SLC13A4: variants seen among roughly 807,000 people sequenced by gnomAD.
The protein encoded by SLC13A4 is Na(+)/sulfate cotransporter SUT-1.
A neutral mutation model predicts 72.7 loss-of-function variants in SLC13A4; 28 were observed. The observed-to-expected ratio is 0.39, with a 90% CI of 0.29 to 0.53. The LOEUF (loss-of-function observed/expected upper bound fraction) is 0.53. Among genes scored for constraint, SLC13A4 ranks in the 20% least tolerant of loss-of-function variants. SLC13A4 has a pLI of 0.78. For missense variants in SLC13A4, 653 were observed against 788.0 expected (o/e 0.83, Z 2.05); for synonymous variants, 312 against 325.5 (o/e 0.96, Z 0.45).
chr7:135,720,568 A>C (rs201083728), intron 2 of SLC13A4, among the ~76,000 whole-genome samples: 90 of 151,598 alleles, frequency 5.9e-4, no homozygotes, highest in African/African-American at 1.8e-3. Context: ...AAAAAAAAAA[A>C]AAAAAACCAA....
chr7:135,689,498 T>C (rs1795725515), intron 13 of SLC13A4, among the ~76,000 whole-genome samples: 3 of 152,190 alleles, frequency 2.0e-5, no homozygotes, highest in Admixed American at 1.3e-4. Context: ...ATAACTACTC[T>C]ACTTGGCAGT....
chr7:135,683,324 A>AAT, intron 15 of SLC13A4: 3 of 650,248 alleles, frequency 4.6e-6, no homozygotes, highest in Non-Finnish European at 5.7e-6. Context: ...AAAAAAAAAA[A>AAT]GGATAAAAAA....
At chr7:135,719,862 CAGAT>C (rs1364937767) in intron 2 of SLC13A4, among the ~76,000 whole-genome samples, 7 of 125,518 alleles carry the variant, frequency 5.6e-5, no homozygotes, top group Non-Finnish European at 6.4e-5. Context: ...TATGTGTGTA[CAGAT>C]AGATAGATAG....
At position 135,721,481 on chromosome 7, in the gene SLC13A4, A is replaced by G; in HGVS notation, c.142T>C (p.Trp48Arg). 1 of 1,614,152 alleles carries G rather than the reference A, an allele frequency of 6.2e-7. No individual in the cohort carries two copies. The highest frequency in any genetic ancestry group is 1.1e-5 in the South Asian group (1 of 91,090). The change falls in exon 2 of 16, where the codon TGG (tryptophan) becomes CGG (arginine). Residue 48 changes from tryptophan to arginine, a missense_variant. Transcript: ENST00000682651. ...CCCAGAGGCACTGCCTCCGACACCC[A>G]GTACACAGCAGTCACGATCAGCACG... ...AYVLIVTAVYWVSEAVPLGAA... is the reference protein window; with the variant it reads ...AYVLIVTAVYRVSEAVPLGAA...
At chr7:135,717,830 C>T (rs564712514) in intron 2 of SLC13A4, among the ~76,000 whole-genome samples, 1 of 152,172 alleles carries the variant, frequency 6.6e-6, no homozygotes, top group Non-Finnish European at 1.5e-5. Flanking sequence ...CTGTCGAGGG[C>T]CTGACTAGAA....
At chr7:135,685,713 A>C in intron 13 of SLC13A4, 30 bp from the exon 14 acceptor site, 1 of 1,586,558 alleles carries the variant, frequency 6.3e-7, no homozygotes, top group Non-Finnish European at 8.6e-7. Context: ...AGTAAGAAGA[A>C]AGGAGAAGAA....
At chr7:135,687,965 C>G (rs1174696626) in intron 13 of SLC13A4, among the ~76,000 whole-genome samples, 1 of 151,670 alleles carries the variant, frequency 6.6e-6, no homozygotes, top group Non-Finnish European at 1.5e-5. Context: ...CATGTGCCAC[C>G]ATCCCCGGCT....
In SLC13A4 at chr7:135,681,532, C is replaced by T. The variant is rs544832853; in HGVS notation, c.*31G>A. 1.2e-6 allele frequency: 2 copies of T among 1,603,528 alleles called. No homozygotes were observed. The highest frequency in any genetic ancestry group is 1.3e-5 in the African/African-American group (1 of 74,936). On this transcript the variant is annotated 3_prime_UTR_variant, in exon 16 of 16. Transcript: ENST00000682651. ...CAGATACTGCTGGATACTGGCAGCTCCTGTGGTTGGGCCAGTTTGTACACT... is the reference window on the plus strand; with the variant it reads ...CAGATACTGCTGGATACTGGCAGCTTCTGTGGTTGGGCCAGTTTGTACACT...
intron 10 of SLC13A4, 58 bp downstream of exon 10, chr7:135,694,079 C>T (rs1320570259): frequency 1.9e-6 from 2 of 1,035,722 alleles, no homozygotes; most frequent in Admixed American, 3.4e-5. Flanking sequence ...CTCCTGTGCT[C>T]ACTTTACCTG....
chr7:135,705,755 G>A, intron 4 of SLC13A4, 105 bp from the exon 5 acceptor site: 1 of 917,924 alleles, frequency 1.1e-6, no homozygotes, highest in East Asian at 2.4e-5. Context: ...GCCATATGGA[G>A]TGGGTGACAT....
chr7:135,710,612 A>G (rs1796279528), intron 2 of SLC13A4, among the ~76,000 whole-genome samples: 4 of 152,122 alleles, frequency 2.6e-5, no homozygotes, highest in Admixed American at 1.3e-4. Context: ...ATGAGGAAAG[A>G]GACTGCTGAC....
intron 2 of SLC13A4, among the ~76,000 whole-genome samples, chr7:135,710,340 A>C (rs953559003): frequency 6.6e-6 from 1 of 152,168 alleles, no homozygotes; most frequent in African/African-American, 2.4e-5. Flanking sequence ...AGCTTGCAGT[A>C]AGCCGAGATC....
intron 2 of SLC13A4, among the ~76,000 whole-genome samples, chr7:135,711,661 G>A (rs572179174): frequency 6.6e-6 from 1 of 152,206 alleles, no homozygotes; most frequent in Non-Finnish European, 1.5e-5. Context: ...GCCACACGGT[G>A]AGCCGACTGG....
At chr7:135,709,429 A>ATTTTT (rs1563166250) in intron 2 of SLC13A4, among the ~76,000 whole-genome samples, 58 of 90,572 alleles carry the variant, frequency 6.4e-4, no homozygotes, top group Non-Finnish European at 8.0e-4. Context: ...TTTTTTTAAA[A>ATTTTT]AAAAATTTGA....
chr7:135,720,947 A>T (rs1796534910), intron 2 of SLC13A4, among the ~76,000 whole-genome samples: 1 of 152,226 alleles, frequency 6.6e-6, no homozygotes, highest in Non-Finnish European at 1.5e-5. Flanking sequence ...AAATAGGGTA[A>T]GTCTCTCTGT....
rs758216229 is a variant in SLC13A4, at chr7:135,691,255, G to A, written c.1392C>T (p.Pro464=). 8 of 1,613,760 alleles carry A rather than the reference G, an allele frequency of 5.0e-6. No homozygotes were observed. The South Asian group carries it at 8.8e-5, about 18-fold the overall frequency. ...ITWKDFQKTM[P]WEIVILVGGG... The stretch of plus-strand genomic sequence containing the variant: ...CCCCAACCAGAATGACAATCTCCCA[G>A]GGCATGGTCTTCTGGAAGTCCTTCC... The change falls in exon 13 of 16, where the codon CCC becomes CCT. Residue 464 remains proline, a synonymous_variant. Transcript: ENST00000682651.
At chr7:135,690,771 C>T (rs1211637505) in intron 13 of SLC13A4, among the ~76,000 whole-genome samples, 1 of 152,180 alleles carries the variant, frequency 6.6e-6, no homozygotes, top group Non-Finnish European at 1.5e-5. Flanking sequence ...TGTTTCCCTT[C>T]CCAGGGACTC....
chr7:135,700,119 T>A (rs929661107), intron 7 of SLC13A4, among the ~76,000 whole-genome samples: 1 of 152,224 alleles, frequency 6.6e-6, no homozygotes, highest in Non-Finnish European at 1.5e-5. Context: ...CTAGTCTTCA[T>A]TGGGAAGAGG....
chr7:135,701,814 G>T (rs370024028), intron 6 of SLC13A4, 54 bp from the exon 7 acceptor site: 9 of 1,564,408 alleles, frequency 5.8e-6, no homozygotes, highest in Non-Finnish European at 7.0e-6. Context: ...TGAGCCAGGT[G>T]CCTCGAGAAG....
Sources: allele counts gnomAD v4.1 joint callset (sites outside exome capture counted in the v4.1 genomes callset), GRCh38; gene constraint gnomAD v4.1.1; transcripts MANE v1.5; gene names NCBI Gene and HGNC (gene_info 2026-07-23, HGNC 2026-07-21).